Variants in SIPA1L1 observed in about 807,000 individuals in gnomAD.
The protein encoded by SIPA1L1 is signal-induced proliferation-associated 1-like protein 1.
A neutral mutation model predicts 162.7 loss-of-function variants in SIPA1L1; 26 were observed. The observed-to-expected ratio is 0.16, with a 90% CI of 0.12 to 0.22. The LOEUF is 0.22. SIPA1L1 is among the 10% of genes least tolerant of loss of function. SIPA1L1 has a pLI of 1.00. For synonymous variants in SIPA1L1, 829 were observed against 837.4 expected (o/e 0.99, Z 0.17); for missense variants, 1,874 against 2,241.0 (o/e 0.84, Z 3.31).
chr14:71,533,993 G>C (rs1186577919), intron 4 of SIPA1L1, among the ~76,000 whole-genome samples: 3 of 152,050 alleles, frequency 2.0e-5, no homozygotes, highest in African/African-American at 7.2e-5. Flanking sequence ...GGAGGCCAAG[G>C]TGGGAGGATT....
chr14:71,600,519 C>G (rs2036608741), intron 5 of SIPA1L1, among the ~76,000 whole-genome samples: 1 of 152,120 alleles, frequency 6.6e-6, no homozygotes, highest in South Asian at 2.1e-4. Context: ...GTTTTAAAGT[C>G]AGGTAATATA....
At chr14:71,541,633 C>T (rs1406614301) in intron 4 of SIPA1L1, among the ~76,000 whole-genome samples, 1 of 152,026 alleles carries the variant, frequency 6.6e-6, no homozygotes, top group East Asian at 1.9e-4. Flanking sequence ...ATTAGCCGGG[C>T]ATGTTGGCAC....
rs952785704 is a variant in SIPA1L1 at position 71,601,850 on chromosome 14, C to T, written c.1498+12480C>T. Among the ~76,000 whole-genome samples, 9 of 151,680 alleles carry T rather than the reference C, an allele frequency of 5.9e-5. No homozygotes were observed. In the South Asian group the frequency reaches 1.5e-3, roughly 25 times the overall value. ...TCCAGGAACTCATCCATTTCCTGTA[C>T]GTTTTTTAGTTTGTTAGTGCCTCTG... On this transcript the variant is annotated intron_variant, in intron 5 of 23. Transcript: ENST00000381232.
intron 4 of SIPA1L1, among the ~76,000 whole-genome samples, chr14:71,558,608 C>T (rs1387170052): frequency 6.6e-6 from 1 of 152,146 alleles, no homozygotes; most frequent in Non-Finnish European, 1.5e-5. Context: ...CATATGTGCA[C>T]TTAGGTAGTT....
At chr14:71,468,530 G>A (rs1224995034) in intron 2 of SIPA1L1, among the ~76,000 whole-genome samples, 1 of 151,960 alleles carries the variant, frequency 6.6e-6, no homozygotes, top group East Asian at 1.9e-4. Context: ...ACAGATGAGA[G>A]CCTACTCACT....
intron 2 of SIPA1L1, among the ~76,000 whole-genome samples, chr14:71,432,731 C>T (rs933640179): frequency 6.6e-6 from 1 of 152,192 alleles, no homozygotes; most frequent in African/African-American, 2.4e-5. Context: ...TTGTTTTCTG[C>T]ACCTCAACAG....
At chr14:71,485,145 A>G (rs2048648809) in intron 2 of SIPA1L1, among the ~76,000 whole-genome samples, 1 of 152,238 alleles carries the variant, frequency 6.6e-6, no homozygotes, top group African/African-American at 2.4e-5. Flanking sequence ...CTTATCAGGT[A>G]AGTTGCCATA....
intron 2 of SIPA1L1, among the ~76,000 whole-genome samples, chr14:71,437,914 A>G (rs1178690291): frequency 6.6e-6 from 1 of 152,174 alleles, no homozygotes; most frequent in Non-Finnish European, 1.5e-5. Context: ...AATTTAAAAT[A>G]TACACAGGCA....
intron 2 of SIPA1L1, among the ~76,000 whole-genome samples, chr14:71,436,786 A>G (rs1015144350): frequency 7.7e-6 from 1 of 130,572 alleles, no homozygotes; most frequent in African/African-American, 2.9e-5. Flanking sequence ...TTTTTTTGAG[A>G]CAGAGTCTCA....
chr14:71,648,883 T>G (rs1481356175), intron 7 of SIPA1L1, among the ~76,000 whole-genome samples: 1 of 152,328 alleles, frequency 6.6e-6, no homozygotes, highest in East Asian at 1.9e-4. Flanking sequence ...TTTATGATCT[T>G]GTGTCTCTCC....
chr14:71,651,379 T>C (rs1596653106), intron 8 of SIPA1L1, among the ~76,000 whole-genome samples: 1 of 152,330 alleles, frequency 6.6e-6, no homozygotes, highest in South Asian at 2.1e-4. Flanking sequence ...AGTTGAGTCA[T>C]GAAAACAGAA....
chr14:71,538,457 G>C (rs893655946), intron 4 of SIPA1L1, among the ~76,000 whole-genome samples: 1 of 152,134 alleles, frequency 6.6e-6, no homozygotes, highest in East Asian at 1.9e-4. Context: ...CAAGGAAGGC[G>C]GTTAAATGTG....
chr14:71,651,367 G>A (rs2042603188), intron 8 of SIPA1L1, among the ~76,000 whole-genome samples: 1 of 152,162 alleles, frequency 6.6e-6, no homozygotes, highest in South Asian at 2.1e-4. Context: ...AATTAAATAA[G>A]GAGTTGAGTC....
At chr14:71,697,137 TTGA>T (rs1446866923) in intron 13 of SIPA1L1, among the ~76,000 whole-genome samples, 3 of 152,070 alleles carry the variant, frequency 2.0e-5, no homozygotes, top group Non-Finnish European at 2.9e-5. Flanking sequence ...GTCTGTTGAC[TTGA>T]TGGAAGAGGG....
At chr14:71,561,211 C>G (rs1041922548) in intron 4 of SIPA1L1, among the ~76,000 whole-genome samples, 3 of 152,018 alleles carry the variant, frequency 2.0e-5, no homozygotes, top group African/African-American at 7.3e-5. Flanking sequence ...AAAATTTTTC[C>G]CATGTAGTAT....
chr14:71,371,582 T>G (rs2038894890), intron 2 of SIPA1L1, among the ~76,000 whole-genome samples: 1 of 151,886 alleles, frequency 6.6e-6, no homozygotes. Flanking sequence ...TTTGTTTTGG[T>G]TGGGACAGGG....
chr14:71,467,873 A>G lies in SIPA1L1; in HGVS notation c.-464-44870A>G, dbSNP rs922297468. On this transcript the variant is annotated intron_variant, in intron 2 of 23. Coordinates refer to ENST00000381232, the MANE Select transcript of SIPA1L1 (RefSeq NM_001386936.1). ...CTCTTAAAAAAAAAAAAAAAAAGAA[A>G]GAAAAAGTATTGGCTTCTATCATTT... 3.9e-5 allele frequency among the ~76,000 whole-genome samples: 6 copies of G among 151,962 alleles called. 1 individual carries two copies. The highest frequency in any genetic ancestry group is 4.1e-4 in the South Asian group (2 of 4,822).
chr14:71,695,083 G>A (rs967457696), intron 13 of SIPA1L1, among the ~76,000 whole-genome samples: 4 of 152,234 alleles, frequency 2.6e-5, no homozygotes, highest in Non-Finnish European at 5.9e-5. Context: ...CCAGTACCCA[G>A]ACAGGCGGCG....
chr14:71,337,143 C>T (rs1023683849), intron 2 of SIPA1L1, among the ~76,000 whole-genome samples: 3 of 152,174 alleles, frequency 2.0e-5, no homozygotes, highest in Non-Finnish European at 2.9e-5. Context: ...CTTGCTTTTA[C>T]GACATTCCTA....
Sources: gnomAD v4.1 joint callset for allele counts (sites outside exome capture counted in the v4.1 genomes callset) on GRCh38, gnomAD v4.1.1 for gene constraint, MANE v1.5 for transcripts, NCBI Gene and HGNC (gene_info 2026-07-23, HGNC 2026-07-21) for gene names.